Variants in HNRNPC observed in about 807,000 individuals in gnomAD.
The protein encoded by HNRNPC is heterogeneous nuclear ribonucleoprotein C.
HNRNPC carries 3 observed loss-of-function variants against 33.2 expected under a neutral mutation model. That is an observed-to-expected ratio of 0.09 (90% CI 0.04 to 0.23). The LOEUF is 0.23. Ranked by LOEUF, HNRNPC falls within the 10% of genes least tolerant of loss-of-function variation. HNRNPC has a pLI of 1.00. For synonymous variants in HNRNPC, 121 were observed against 126.7 expected (o/e 0.96, Z 0.30); for missense variants, 143 against 366.7 (o/e 0.39, Z 4.98).
intron 2 of HNRNPC, among the ~76,000 whole-genome samples, chr14:21,251,990 C>G (rs1033639312): frequency 6.6e-6 from 1 of 152,040 alleles, no homozygotes; most frequent in East Asian, 1.9e-4. Flanking sequence ...TAATTTTTAA[C>G]AAGGATATTT....
intron 5 of HNRNPC, among the ~76,000 whole-genome samples, chr14:21,213,666 T>C (rs532248064): frequency 1.3e-5 from 2 of 152,168 alleles, no homozygotes; most frequent in Admixed American, 6.5e-5. Flanking sequence ...ATCTATAAAA[T>C]CAGGGCAATT....
At chr14:21,238,767 T>C (rs1427488125) in intron 2 of HNRNPC, among the ~76,000 whole-genome samples, 1 of 152,168 alleles carries the variant, frequency 6.6e-6, no homozygotes, top group Non-Finnish European at 1.5e-5. Context: ...TTTACTAGTA[T>C]GTAATAGTCG....
chr14:21,227,809 A>G (rs1452265293), intron 5 of HNRNPC, among the ~76,000 whole-genome samples: 1 of 152,234 alleles, frequency 6.6e-6, no homozygotes, highest in African/African-American at 2.4e-5. Flanking sequence ...GTATACTGCT[A>G]AAACTTGATA....
chr14:21,243,408 C>A (rs1236984388), intron 2 of HNRNPC, among the ~76,000 whole-genome samples: 1 of 152,110 alleles, frequency 6.6e-6, no homozygotes, highest in Non-Finnish European at 1.5e-5. Context: ...GGGGCTTACA[C>A]AGGAATGGTT....
At position 21,247,759 on chromosome 14, in the gene HNRNPC, GACTAACATGGTGAAACCCCATCTCT is replaced by G. The variant is rs1229365640; in HGVS notation, c.-36-13555_-36-13531del. Among the ~76,000 whole-genome samples, 81 of 149,532 alleles carry G rather than the reference GACTAACATGGTGAAACCCCATCTCT, an allele frequency of 5.4e-4. 1 individual carries two copies. The highest frequency in any genetic ancestry group is 2.5e-3 in the South Asian group (12 of 4,764). On this transcript the variant is annotated intron_variant, in intron 2 of 8. Coordinates refer to ENST00000553300, the MANE Select transcript of HNRNPC (RefSeq NM_004500.4). Reference sequence around the variant, plus strand: ...GAGGACAGGAGTTCAAGACCAGCTTGACTAACATGGTGAAACCCCATCTCTACTAACATGGTGAAACCCCATCTCT... The same window carrying G: ...GAGGACAGGAGTTCAAGACCAGCTTGACTAACATGGTGAAACCCCATCTCT...
At chr14:21,231,570 A>G (rs1894121237) in intron 3 of HNRNPC, 8 of 346,790 alleles carry the variant, frequency 2.3e-5, no homozygotes, top group South Asian at 4.4e-5. Flanking sequence ...AAAGTGCTGG[A>G]ATCACAGGTG....
At chr14:21,267,095 CAAAAAAAAAAAAAAAAAAAAAA>C (rs56203257) in intron 1 of HNRNPC, among the ~76,000 whole-genome samples, 5 of 104,116 alleles carry the variant, frequency 4.8e-5, no homozygotes, top group African/African-American at 1.8e-4. Context: ...GACTCCGTCT[CAAAAAAAAAAAAAAAAAAAAAA>C]AAAAAAAAAA....
chr14:21,211,719 G>T, intron 7 of HNRNPC, 91 bp downstream of exon 7: 1 of 1,420,598 alleles, frequency 7.0e-7, no homozygotes, highest in Non-Finnish European at 9.9e-7. Context: ...ATATTACATT[G>T]CTTTATATTC....
At chr14:21,249,457 C>G (rs1420062772) in intron 2 of HNRNPC, among the ~76,000 whole-genome samples, 3 of 151,292 alleles carry the variant, frequency 2.0e-5, no homozygotes, top group Admixed American at 1.3e-4. Flanking sequence ...TGTGGTGGCA[C>G]GTGCCTGTAA....
chr14:21,255,305 CAGGAAGAAT>C (rs549022566), intron 2 of HNRNPC, among the ~76,000 whole-genome samples: 54 of 152,158 alleles, frequency 3.5e-4, no homozygotes, highest in Admixed American at 3.2e-3. Flanking sequence ...AATTAGAAAA[CAGGAAGAAT>C]ATTTCAGACT....
intron 5 of HNRNPC, among the ~76,000 whole-genome samples, chr14:21,223,278 C>A (rs2139561723): frequency 6.6e-6 from 1 of 152,130 alleles, no homozygotes; most frequent in East Asian, 1.9e-4. Context: ...TCATAAAACA[C>A]CAGGATACCT....
rs529316437 is a variant in HNRNPC at position 21,252,746 on chromosome 14, A to ATTTG, written c.-37+10564_-37+10565insCAAA. ...GAAATGTATCAAGAATTTGCTTCAAAATAACATGGGAAGGGGGTGGATGGG... is the reference window on the plus strand; with the variant it reads ...GAAATGTATCAAGAATTTGCTTCAAATTTGATAACATGGGAAGGGGGTGGATGGG... On this transcript the variant is annotated intron_variant, in intron 2 of 8. Coordinates refer to ENST00000553300, the MANE Select transcript of HNRNPC (RefSeq NM_004500.4). Among the ~76,000 whole-genome samples the ATTTG allele has an allele frequency of 1.9e-4, 29 of 152,338 alleles. 1 individual carries two copies. In the South Asian group the frequency reaches 6.0e-3, roughly 32 times the overall value.
At chr14:21,256,123 C>T (rs562631322) in intron 2 of HNRNPC, among the ~76,000 whole-genome samples, 3 of 152,290 alleles carry the variant, frequency 2.0e-5, no homozygotes, top group African/African-American at 7.2e-5. Flanking sequence ...CTGAAAAAGG[C>T]AGCCATTAGG....
chr14:21,251,710 G>T (rs1233852003), intron 2 of HNRNPC, among the ~76,000 whole-genome samples: 2 of 152,088 alleles, frequency 1.3e-5, no homozygotes, highest in East Asian at 3.8e-4. Flanking sequence ...AGGAAAAATA[G>T]TCTCAGATTT....
rs147296381 is a variant in HNRNPC at position 21,216,323 on chromosome 14, G to A, written c.366-3206C>T. Among the ~76,000 whole-genome samples the A allele has an allele frequency of 7.4e-3, 1,134 of 152,222 alleles. 11 individuals carry two copies. The highest frequency in any genetic ancestry group is 0.027 in the Middle Eastern group (8 of 294). On this transcript the variant is annotated intron_variant, in intron 5 of 8. Transcript: ENST00000553300. The stretch of plus-strand genomic sequence containing the variant: ...ATGTCAACACTACACCAGAGTAGAC[G>A]TTAATCTATTAATAATAAAGCTATC...
At chr14:21,236,771 GA>G (rs1177960302) in intron 2 of HNRNPC, among the ~76,000 whole-genome samples, 1 of 152,126 alleles carries the variant, frequency 6.6e-6, no homozygotes, top group African/African-American at 2.4e-5. Context: ...TACTGGAAAA[GA>G]ACTGGGATTC....
intron 5 of HNRNPC, among the ~76,000 whole-genome samples, chr14:21,222,931 T>G (rs1007162054): frequency 6.6e-6 from 1 of 151,446 alleles, no homozygotes; most frequent in Non-Finnish European, 1.5e-5. Context: ...CTGGGCGTGA[T>G]GGCTCACGCC....
At chr14:21,247,967 G>A (rs911797919) in intron 2 of HNRNPC, among the ~76,000 whole-genome samples, 11 of 151,534 alleles carry the variant, frequency 7.3e-5, no homozygotes, top group African/African-American at 1.7e-4. Flanking sequence ...CTCCAGCCTC[G>A]GCGATGCAGT....
chr14:21,249,126 G>T (rs1422697069), intron 2 of HNRNPC, among the ~76,000 whole-genome samples: 1 of 152,104 alleles, frequency 6.6e-6, no homozygotes, highest in African/African-American at 2.4e-5. Flanking sequence ...TAATGCTTTT[G>T]TAATTTTTCC....
Sources: allele counts gnomAD v4.1 joint callset (sites outside exome capture counted in the v4.1 genomes callset), GRCh38; gene constraint gnomAD v4.1.1; transcripts MANE v1.5; gene names NCBI Gene and HGNC (gene_info 2026-07-23, HGNC 2026-07-21).